Variants in DNAH11 observed in about 807,000 individuals in gnomAD.
DNAH11 encodes the protein axonemal beta dynein heavy chain 11.
A neutral mutation model predicts 526.0 loss-of-function variants in DNAH11; 442 were observed. That is an observed-to-expected ratio of 0.84 (90% confidence interval 0.78 to 0.91). DNAH11 has a LOEUF of 0.91. Ranked by LOEUF, DNAH11 falls within the 40% of genes least tolerant of loss-of-function variation. The pLI, the probability that DNAH11 is intolerant of heterozygous loss-of-function variation, is 0.00. For synonymous variants in DNAH11, 2,461 were observed against 1,935.9 expected, an observed-to-expected ratio of 1.27 and a Z score of -7.12; for missense variants, 6,989 against 5,448.7, an observed-to-expected ratio of 1.28 and a Z score of -8.90.
chr7:21,730,922 T>C (rs931093128), intron 45 of DNAH11, among the ~76,000 whole-genome samples: 34 of 152,150 alleles, frequency 2.2e-4, no homozygotes, highest in African/African-American at 7.5e-4. Context: ...GGCAGGTTGA[T>C]CACCTGAGGT....
chr7:21,636,066 A>G lies in DNAH11; in HGVS notation c.4696A>G (p.Arg1566Gly). Residue 1566 changes from arginine to glycine, a missense_variant, in exon 26 of 82, where the codon AGA becomes GGA. By Grantham distance (125) the Arg-to-Gly change is moderately radical. Transcript: ENST00000409508. ...IRIQLVKDAR[R>G]FDGVDAEFKE... ...AATCCAGCTTGTGAAAGATGCTAGAAGATTTGATGGGGTGGATGCTGAATT... is the reference window on the plus strand; with the variant it reads ...AATCCAGCTTGTGAAAGATGCTAGAGGATTTGATGGGGTGGATGCTGAATT... The G allele has an allele frequency of 6.2e-7, 1 of 1,613,052 alleles. No homozygotes were observed.
At chr7:21,660,371 C>G (rs1315360431) in intron 30 of DNAH11, among the ~76,000 whole-genome samples, 1 of 151,994 alleles carries the variant, frequency 6.6e-6, no homozygotes, top group African/African-American at 2.4e-5. Context: ...TTAAATCTTT[C>G]TACATGCATA....
chr7:21,832,892 G>C (rs1235774726), intron 65 of DNAH11, among the ~76,000 whole-genome samples: 2 of 152,162 alleles, frequency 1.3e-5, no homozygotes, highest in African/African-American at 4.8e-5. Context: ...GTCAACCCCT[G>C]CTCTAGAAGG....
chr7:21,801,601 T>G (rs1401707889), intron 62 of DNAH11, among the ~76,000 whole-genome samples: 1 of 152,206 alleles, frequency 6.6e-6, no homozygotes, highest in Non-Finnish European at 1.5e-5. Flanking sequence ...ATGTACTTAT[T>G]TTTTCTACTT....
Position 21,599,892 on chromosome 7 carries a change from C to T in DNAH11, c.2773C>T (p.His925Tyr), listed in dbSNP as rs753527240. 2 of 1,613,112 alleles carry T rather than the reference C, an allele frequency of 1.2e-6. No individual in the cohort carries two copies. Among genetic ancestry groups the T allele is most frequent in the Non-Finnish European group, 1.7e-6 (2 of 1,179,450 alleles). ...VVEGFFQAIM[H>Y]DLDFFLKNTE... ...GGAAGGCTTTTTTCAGGCTATAATG[C>T]ACGACTTAGACTTCTTTCTGAAGAA... Residue 925 changes from histidine (H) to tyrosine (Y), a missense_variant, in exon 15 of 82, where the codon CAC (histidine) becomes TAC (tyrosine). Transcript: ENST00000409508.
At chr7:21,838,862 C>T (rs1562576550) in intron 65 of DNAH11, among the ~76,000 whole-genome samples, 1 of 152,072 alleles carries the variant, frequency 6.6e-6, no homozygotes, top group Non-Finnish European at 1.5e-5. Context: ...TCCTAAGTAG[C>T]TGGGACTACA....
Position 21,836,765 on chromosome 7 carries a change from C to T in DNAH11, c.10692-5779C>T, listed in dbSNP as rs114202707. Among the ~76,000 whole-genome samples, 906 of 152,166 alleles carry T rather than the reference C, an allele frequency of 6.0e-3. 10 individuals are homozygous for T. The highest frequency in any genetic ancestry group is 0.02 in the African/African-American group (844 of 41,528). ...AATGGGATTACATCAGACTAAAAAGCTTCTGCACAACAAAGGAAATAACCA... is the reference window on the plus strand; with the variant it reads ...AATGGGATTACATCAGACTAAAAAGTTTCTGCACAACAAAGGAAATAACCA... On this transcript the variant is annotated intron_variant, in intron 65 of 81. Coordinates refer to ENST00000409508, the MANE Select transcript of DNAH11 (RefSeq NM_001277115.2).
chr7:21,630,739 G>C (rs1415608798), intron 25 of DNAH11, among the ~76,000 whole-genome samples: 1 of 151,988 alleles, frequency 6.6e-6, no homozygotes, highest in East Asian at 1.9e-4. Context: ...TTCTTTTGTT[G>C]CTTTACGATT....
chr7:21,720,936 T>C lies in DNAH11; in HGVS notation c.7266+80T>C, dbSNP rs2965416. On this transcript the variant is annotated intron_variant, in intron 44 of 81. Coordinates refer to ENST00000409508, the MANE Select transcript of DNAH11 (RefSeq NM_001277115.2). The stretch of plus-strand genomic sequence containing the variant: ...CATGGGGAGGTTAAAACATGTGATC[T>C]GTACCTTTTTGTTATGTTATAGATC... The C allele has an allele frequency of 0.025, 38,086 of 1,511,986 alleles. 2,159 individuals are homozygous for C. Among genetic ancestry groups the C allele is most frequent in the African/African-American group, 0.2 (14,204 of 71,806 alleles). The allele number at this position is 1,511,986 out of a possible 1,614,324, so 93.7% of individuals were successfully genotyped here. A position where few individuals can be genotyped will look rare whatever the true frequency, so the allele number is the denominator to read the frequency against.
intron 57 of DNAH11, among the ~76,000 whole-genome samples, chr7:21,784,021 G>T (rs1377229736): frequency 6.6e-6 from 1 of 152,156 alleles, no homozygotes; most frequent in Non-Finnish European, 1.5e-5. Context: ...GCAAAAATTA[G>T]AGAATCCTAG....
At chr7:21,717,659 A>G (rs1453442344) in intron 42 of DNAH11, 116 bp from the exon 43 acceptor site, 2 of 1,245,090 alleles carry the variant, frequency 1.6e-6, no homozygotes, top group African/African-American at 3.0e-5. Flanking sequence ...CGAACTCACT[A>G]AACGTGTCCT....
intron 28 of DNAH11, among the ~76,000 whole-genome samples, chr7:21,652,866 T>A (rs528459280): frequency 9.8e-5 from 15 of 152,294 alleles, no homozygotes; most frequent in South Asian, 2.1e-4. Context: ...TAGTTTTTTT[T>A]AATATTTATT....
At chr7:21,713,242 CCT>C (rs1324234438) in intron 42 of DNAH11, among the ~76,000 whole-genome samples, 2 of 152,162 alleles carry the variant, frequency 1.3e-5, no homozygotes, top group Admixed American at 6.5e-5. Context: ...CTTCTGTTTA[CCT>C]CTCTGGACAC....
At chr7:21,684,262 A>G (rs1783276064) in intron 32 of DNAH11, among the ~76,000 whole-genome samples, 1 of 152,176 alleles carries the variant, frequency 6.6e-6, no homozygotes, top group South Asian at 2.1e-4. Context: ...AATAACTAGG[A>G]ATTGCCTGTG....
rs28751578 is a variant in DNAH11 at position 21,765,585 on chromosome 7, T to C, written c.9098T>C (p.Ile3033Thr). Residue 3033 changes from isoleucine to threonine, a missense_variant, in exon 55 of 82, where the codon ATT (isoleucine) becomes ACT (threonine). Physicochemically the swap from Ile to Thr is moderately conservative, Grantham distance 89 (BLOSUM62 -1). Transcript: ENST00000409508. ...SRRFIEETKG[I>T]EPVHKDSISL... Reference sequence around the variant, plus strand: ...AGGTTCATTGAGGAAACCAAGGGAATTGAGGTATGCCGTGTCAGCCTGCGT... The same window carrying C: ...AGGTTCATTGAGGAAACCAAGGGAACTGAGGTATGCCGTGTCAGCCTGCGT... 4,900 of 1,576,640 alleles carry C rather than the reference T, an allele frequency of 3.1e-3. 151 individuals are homozygous for C. In the African/African-American group the frequency reaches 0.06, roughly 19 times the overall value.
At chr7:21,866,723 A>T in intron 71 of DNAH11, 60 bp downstream of exon 71, 1 of 1,504,804 alleles carries the variant, frequency 6.6e-7, no homozygotes, top group Non-Finnish European at 8.9e-7. Flanking sequence ...ATGTAGTCTG[A>T]AGAGTTAGGA....
At position 21,646,894 on chromosome 7, in the gene DNAH11, A is replaced by C. The variant is rs1048238828; in HGVS notation, c.4944+7829A>C. On this transcript the variant is annotated intron_variant, in intron 28 of 81. Coordinates refer to ENST00000409508, the MANE Select transcript of DNAH11 (RefSeq NM_001277115.2). Reference sequence around the variant, plus strand: ...GGGAGTGAAAATATATTCATTTTTAAGCAGCGTAAAGTTCACAATGTCTGG... The same window carrying C: ...GGGAGTGAAAATATATTCATTTTTACGCAGCGTAAAGTTCACAATGTCTGG... Among the ~76,000 whole-genome samples, 4 of 152,328 alleles carry C rather than the reference A, an allele frequency of 2.6e-5. No homozygotes were observed. In the East Asian group the frequency reaches 7.7e-4, roughly 29 times the overall value.
chr7:21,559,836 G>A, intron 4 of DNAH11, 44 bp downstream of exon 4: 1 of 1,472,584 alleles, frequency 6.8e-7, no homozygotes, highest in African/African-American at 1.4e-5. Context: ...TTAGCAAAGT[G>A]TCCTGAGCTG....
chr7:21,577,024 A>C (rs1407017600), intron 8 of DNAH11, among the ~76,000 whole-genome samples: 1 of 152,254 alleles, frequency 6.6e-6, no homozygotes, highest in Non-Finnish European at 1.5e-5. Context: ...AAAAAGGCAG[A>C]GTGGCTAAGG....
Sources: gnomAD v4.1 joint callset for allele counts (sites outside exome capture counted in the v4.1 genomes callset) on GRCh38, gnomAD v4.1.1 for gene constraint, MANE v1.5 for transcripts, NCBI Gene and HGNC (gene_info 2026-07-23, HGNC 2026-07-21) for gene names.